The following KIAA1217 variants were observed in gnomAD, a reference collection of about 807,000 sequenced individuals.
The protein encoded by KIAA1217 is sickle tail protein homolog.
KIAA1217 carries 88 observed loss-of-function variants against 163.9 expected under a neutral mutation model. The ratio of observed to expected loss-of-function variants is 0.54; its 90% CI spans 0.45 to 0.64. The LOEUF (loss-of-function observed/expected upper bound fraction) is 0.64, where lower values mean the gene tolerates loss of function less well. Ranked by LOEUF, KIAA1217 falls within the 30% of genes least tolerant of loss-of-function variation. The pLI, the probability that KIAA1217 is intolerant of heterozygous loss-of-function variation, is 0.00. For missense variants in KIAA1217, 2,372 were observed against 2,475.0 expected (o/e 0.96, Z 0.88); for synonymous variants, 903 against 923.1 (o/e 0.98, Z 0.39).
intron 2 of KIAA1217, among the ~76,000 whole-genome samples, chr10:24,263,249 T>C (rs1013911672): frequency 2.0e-5 from 3 of 152,206 alleles, no homozygotes; most frequent in Non-Finnish European, 4.4e-5. Flanking sequence ...TCCTTAATAA[T>C]GATTACTGCT....
At chr10:24,230,173 C>T (rs2071174438) in intron 2 of KIAA1217, among the ~76,000 whole-genome samples, 1 of 152,036 alleles carries the variant, frequency 6.6e-6, no homozygotes, top group African/African-American at 2.4e-5. Flanking sequence ...TTGCCATCAG[C>T]TAAAATTGCT....
intron 1 of KIAA1217, among the ~76,000 whole-genome samples, chr10:23,727,695 G>A (rs577422906): frequency 2.0e-5 from 3 of 152,128 alleles, no homozygotes; most frequent in East Asian, 1.9e-4. Context: ...TGTGCAGAAC[G>A]TGCAGTTTTG....
At chr10:24,145,255 T>C (rs746864393) in intron 2 of KIAA1217, among the ~76,000 whole-genome samples, 8 of 152,244 alleles carry the variant, frequency 5.3e-5, no homozygotes, top group Non-Finnish European at 7.3e-5. Flanking sequence ...ATAACAATTT[T>C]AAGCAATCTG....
At chr10:24,519,648 C>T (rs1323647604) in intron 10 of KIAA1217, among the ~76,000 whole-genome samples, 3 of 152,114 alleles carry the variant, frequency 2.0e-5, no homozygotes, top group Admixed American at 1.3e-4. Context: ...CACACCACAG[C>T]GAAGAATTAC....
chr10:24,484,236 TATA>T (rs2065070193), intron 6 of KIAA1217, among the ~76,000 whole-genome samples: 1 of 94,086 alleles, frequency 1.1e-5, no homozygotes, highest in South Asian at 4.3e-4. Flanking sequence ...TATATATATA[TATA>T]TATTTTTTTT....
At chr10:24,220,950 G>A (rs1162146520) in intron 2 of KIAA1217, among the ~76,000 whole-genome samples, 1 of 151,790 alleles carries the variant, frequency 6.6e-6, no homozygotes, top group African/African-American at 2.4e-5. Context: ...TAGTAGAGAC[G>A]GGGTCTTTCT....
chr10:23,864,644 T>C (rs1205874897), intron 1 of KIAA1217, among the ~76,000 whole-genome samples: 3 of 151,906 alleles, frequency 2.0e-5, no homozygotes, highest in Non-Finnish European at 4.4e-5. Flanking sequence ...TACACATGAA[T>C]AGGGCTTTTG....
At chr10:24,438,697 T>C (rs2060255028) in intron 5 of KIAA1217, among the ~76,000 whole-genome samples, 1 of 152,218 alleles carries the variant, frequency 6.6e-6, no homozygotes, top group South Asian at 2.1e-4. Context: ...CATCCTAATT[T>C]ATCTTTAAGC....
At chr10:23,765,879 A>G (rs1425661810) in intron 1 of KIAA1217, among the ~76,000 whole-genome samples, 1 of 152,200 alleles carries the variant, frequency 6.6e-6, no homozygotes, top group Non-Finnish European at 1.5e-5. Flanking sequence ...AAGTGGACTA[A>G]TACATCCATT....
chr10:24,520,643 A>T (rs867750177), intron 11 of KIAA1217, among the ~76,000 whole-genome samples: 167 of 88,008 alleles, frequency 1.9e-3, no homozygotes, highest in African/African-American at 5.8e-3. Flanking sequence ...AAAAAAAAAA[A>T]AAAAAAAAAT....
At chr10:24,520,843 G>C (rs2071125300) in intron 11 of KIAA1217, among the ~76,000 whole-genome samples, 1 of 145,560 alleles carries the variant, frequency 6.9e-6, no homozygotes, top group Non-Finnish European at 1.5e-5. Context: ...GGCAGAGTGA[G>C]ACCCTGTCTC....
chr10:24,116,493 A>G (rs372031759), intron 2 of KIAA1217, among the ~76,000 whole-genome samples: 9 of 152,128 alleles, frequency 5.9e-5, no homozygotes, highest in African/African-American at 2.2e-4. Flanking sequence ...AAAGCCTAAA[A>G]TATTTGCTAT....
intron 3 of KIAA1217, among the ~76,000 whole-genome samples, chr10:24,409,990 CTTTTTTCT>C (rs1462649479): frequency 8.5e-5 from 11 of 129,484 alleles, no homozygotes; most frequent in African/African-American, 3.2e-4. Context: ...TTTTCTTTTT[CTTTTTTCT>C]TTTTTTTTTT....
intron 2 of KIAA1217, among the ~76,000 whole-genome samples, chr10:24,186,705 A>G (rs1235414549): frequency 6.6e-6 from 1 of 152,128 alleles, no homozygotes; most frequent in Admixed American, 6.5e-5. Flanking sequence ...AGCCTGGCCA[A>G]CATGGTGAAA....
chr10:24,485,508 G>A (rs2065274580), intron 6 of KIAA1217, among the ~76,000 whole-genome samples: 1 of 152,144 alleles, frequency 6.6e-6, no homozygotes, highest in African/African-American at 2.4e-5. Flanking sequence ...GCTCAGGGAG[G>A]CCTTTCCTGG....
At chr10:24,209,125 T>C (rs1399878293), upstream of KIAA1217, 1 of 1,470,804 alleles carries the variant, frequency 6.8e-7, no homozygotes, top group African/African-American at 1.4e-5. Flanking sequence ...CCAGGCGCTT[T>C]CTGGGAGCTT....
intron 11 of KIAA1217, 75 bp from the exon 12 acceptor site, chr10:24,521,707 A>G: frequency 1.3e-6 from 2 of 1,523,506 alleles, no homozygotes; most frequent in Non-Finnish European, 1.8e-6. Flanking sequence ...TTCTCTGTCC[A>G]GTATCGGAGT....
intron 1 of KIAA1217, among the ~76,000 whole-genome samples, chr10:24,006,398 C>T (rs1022535327): frequency 7.9e-5 from 12 of 152,250 alleles, no homozygotes; most frequent in Non-Finnish European, 1.6e-4. Flanking sequence ...GAGGAGTTTA[C>T]AGAAACAAAT....
intron 2 of KIAA1217, among the ~76,000 whole-genome samples, chr10:24,303,705 C>A (rs754036963): frequency 3.9e-4 from 60 of 152,134 alleles, no homozygotes; most frequent in Non-Finnish European, 7.1e-4. Context: ...TCCTGTTGGA[C>A]GTTGAAGGCT....
Sources: allele counts gnomAD v4.1 joint callset (sites outside exome capture counted in the v4.1 genomes callset), GRCh38; gene constraint gnomAD v4.1.1; transcripts MANE v1.5; gene names NCBI Gene and HGNC (gene_info 2026-07-23, HGNC 2026-07-21).